LAMB4: variants seen among roughly 807,000 people sequenced by gnomAD.
The protein encoded by LAMB4 is laminin subunit beta 4.
Under a neutral mutation model 199.2 loss-of-function variants are expected in LAMB4, and 196 were observed. The observed-to-expected ratio is 0.98, with a 90% CI of 0.88 to 1.11. The LOEUF (loss-of-function observed/expected upper bound fraction) is 1.11. Among genes scored for constraint, LAMB4 ranks in the 50% least tolerant of loss-of-function variants. The pLI, the probability that LAMB4 is intolerant of heterozygous loss-of-function variation, is 0.00. For missense variants in LAMB4, 2,080 were observed against 2,171.2 expected (o/e 0.96, Z 0.83); for synonymous variants, 744 against 770.6 (o/e 0.97, Z 0.57).
intron 28 of LAMB4, among the ~76,000 whole-genome samples, chr7:108,045,394 A>C (rs1260556475): frequency 6.6e-6 from 1 of 152,208 alleles, no homozygotes; most frequent in Non-Finnish European, 1.5e-5. Context: ...ATTCTCTCAC[A>C]ATCTCTTCTG....
At chr7:108,121,091 G>A (rs1367670998) in intron 2 of LAMB4, among the ~76,000 whole-genome samples, 1 of 152,108 alleles carries the variant, frequency 6.6e-6, no homozygotes, top group Non-Finnish European at 1.5e-5. Context: ...CATTAGCAAC[G>A]GGTTGGAATT....
At chr7:108,046,698 G>A (rs2035638397) in intron 28 of LAMB4, among the ~76,000 whole-genome samples, 1 of 151,970 alleles carries the variant, frequency 6.6e-6, no homozygotes, top group Non-Finnish European at 1.5e-5. Flanking sequence ...GTACTTAAAT[G>A]TTAAAACAAC....
chr7:108,057,793 T>C lies in LAMB4; in HGVS notation c.3379+39A>G, dbSNP rs1167802584. 3.0e-6 allele frequency: 4 copies of C among 1,332,488 alleles called. No individual in the cohort carries two copies. The Admixed American group carries it at 5.0e-5, about 17-fold the overall frequency. The allele number at this position is 1,332,488 out of a possible 1,614,324, so 82.5% of individuals were successfully genotyped here. A position where few individuals can be genotyped will look rare whatever the true frequency, so the allele number is the denominator to read the frequency against. ...TAGCATGTCCATGGTAGGGCCAGGC[T>C]GACTGTACGCATGAGTTTTTAGAAA... is the stretch of plus-strand genomic sequence containing the variant. On this transcript the variant is annotated intron_variant, in intron 24 of 33. Coordinates refer to ENST00000388781, the MANE Select transcript of LAMB4 (RefSeq NM_007356.3).
intron 15 of LAMB4, among the ~76,000 whole-genome samples, chr7:108,079,030 T>A (rs947155106): frequency 6.6e-6 from 1 of 152,198 alleles, no homozygotes; most frequent in African/African-American, 2.4e-5. Flanking sequence ...AGATGTTCAG[T>A]GGGCTTCAGA....
the LAMB4 span, among the ~76,000 whole-genome samples, chr7:108,012,980 GAC>G: frequency 6.6e-6 from 1 of 152,124 alleles, no homozygotes; most frequent in Non-Finnish European, 1.5e-5. Flanking sequence ...ACAATATTTG[GAC>G]ACATGCTTAT....
Position 108,034,198 on chromosome 7 carries a change from AGAC to A in LAMB4, c.4818+7_4818+9del, listed in dbSNP as rs765853261. 2 of 1,613,858 alleles carry A rather than the reference AGAC, an allele frequency of 1.2e-6. No homozygotes were observed. The highest frequency in any genetic ancestry group is 4.5e-5 in the East Asian group (2 of 44,848). ...ACCTATTTCAGGTTAGTTTCAAAGA[AGAC>A]AAATACCTGCAGCACATTCTTTTTT... On this transcript the variant is annotated splice_region_variant and intron_variant, in intron 31 of 33. Transcript: ENST00000388781.
At chr7:108,044,555 A>G (rs938659973) in intron 28 of LAMB4, among the ~76,000 whole-genome samples, 1 of 152,240 alleles carries the variant, frequency 6.6e-6, no homozygotes, top group African/African-American at 2.4e-5. Context: ...GAGAGAGAGA[A>G]AAAACCCAGA....
chr7:108,113,570 C>T (rs1441282063), intron 3 of LAMB4, among the ~76,000 whole-genome samples: 2 of 152,096 alleles, frequency 1.3e-5, no homozygotes, highest in Non-Finnish European at 2.9e-5. Context: ...TCCCAGTGAC[C>T]AGTAGAAGCT....
Position 108,116,035 on chromosome 7 carries a change from G to T in LAMB4, c.161C>A (p.Ala54Asp). ...GTAACTGAGGATGCAGTATTTCTGG[G>T]CTCTGCTCAGCCCACAGGTAGAAGA... ...MASSTCGLSR[A>D]QKYCILSYLE... The change falls in exon 3 of 34, where the codon GCC becomes GAC. Residue 54 changes from alanine (A) to aspartate (D), a missense_variant. By Grantham distance (126) the Ala-to-Asp change is moderately radical (BLOSUM62 -2). Coordinates refer to ENST00000388781, the MANE Select transcript of LAMB4 (RefSeq NM_007356.3). 1 of 1,613,810 alleles carries T rather than the reference G, an allele frequency of 6.2e-7. No homozygotes were observed. Among genetic ancestry groups the T allele is most frequent in the Non-Finnish European group, 8.5e-7 (1 of 1,179,792 alleles).
At chr7:108,113,487 G>A (rs1476033046) in intron 3 of LAMB4, among the ~76,000 whole-genome samples, 1 of 152,154 alleles carries the variant, frequency 6.6e-6, no homozygotes, top group African/African-American at 2.4e-5. Context: ...CCTTATTGTT[G>A]AAGAAAGCCA....
intron 27 of LAMB4, 136 bp from the exon 28 acceptor site, chr7:108,048,247 G>A (rs1265959364): frequency 3.0e-6 from 2 of 662,674 alleles, no homozygotes; most frequent in Non-Finnish European, 4.9e-6. Flanking sequence ...TCACTGCAAC[G>A]TTCTCCTCCT....
At chr7:108,021,405 T>C (rs2034689727), downstream of LAMB4, among the ~76,000 whole-genome samples, 1 of 152,082 alleles carries the variant, frequency 6.6e-6, no homozygotes, top group South Asian at 2.1e-4. Flanking sequence ...AGCACTTATT[T>C]TTACTTTAGA....
chr7:108,067,897 G>T, intron 19 of LAMB4, 119 bp downstream of exon 19: 1 of 1,227,922 alleles, frequency 8.1e-7, no homozygotes, highest in Non-Finnish European at 1.2e-6. Flanking sequence ...TAGATAGTCT[G>T]AATAATGTAG....
downstream of LAMB4, among the ~76,000 whole-genome samples, chr7:108,021,540 T>A (rs959020327): frequency 6.6e-6 from 1 of 152,052 alleles, no homozygotes; most frequent in African/African-American, 2.4e-5. Flanking sequence ...AGAAACTCTG[T>A]CTCTACTAAA....
chr7:108,122,548 A>G (rs771203098), intron 2 of LAMB4, among the ~76,000 whole-genome samples: 2 of 152,278 alleles, frequency 1.3e-5, no homozygotes, highest in African/African-American at 4.8e-5. Flanking sequence ...GAAATTCAGC[A>G]TAAATCTTTG....
In LAMB4 at chr7:108,107,657, C is replaced by G; in HGVS notation, c.565G>C (p.Asp189His). The G allele has an allele frequency of 6.2e-7, 1 of 1,610,516 alleles. No homozygotes were observed. Among genetic ancestry groups the G allele is most frequent in the African/African-American group, 1.3e-5 (1 of 74,832 alleles). Reference sequence around the variant, plus strand: ...TCTCCACCTGTTGAGGGTTCAATATCCGAGTATTTGGAGTCACAAACAATG... The same window carrying G: ...TCTCCACCTGTTGAGGGTTCAATATGCGAGTATTTGGAGTCACAAACAATG... ...GDIVCDSKYS[D>H]IEPSTGGEVV... The change falls in exon 6 of 34, where the codon GAT (aspartate) becomes CAT (histidine). Residue 189 changes from aspartate (D) to histidine (H), a missense_variant. Transcript: ENST00000388781.
intron 12 of LAMB4, 26 bp from the exon 13 acceptor site, chr7:108,092,442 T>G: frequency 2.8e-5 from 43 of 1,509,974 alleles, no homozygotes; most frequent in East Asian, 4.5e-5. Context: ...GCTCAGCTGA[T>G]TCCAGCTATG....
chr7:108,052,428 T>G (rs185874548), intron 25 of LAMB4, among the ~76,000 whole-genome samples, 171 bp from the exon 26 acceptor site: 1 of 152,196 alleles, frequency 6.6e-6, no homozygotes, highest in Admixed American at 6.5e-5. Context: ...TCTCATCTCT[T>G]TCATCTTAAT....
intron 8 of LAMB4, 57 bp downstream of exon 8, chr7:108,105,760 C>T (rs1157318358): frequency 2.1e-6 from 3 of 1,432,356 alleles, no homozygotes; most frequent in Non-Finnish European, 3.0e-6. Flanking sequence ...ATATATAGCA[C>T]CAGGACAGTG....
Sources: allele counts gnomAD v4.1 joint callset (sites outside exome capture counted in the v4.1 genomes callset), GRCh38; gene constraint gnomAD v4.1.1; transcripts MANE v1.5; gene names NCBI Gene and HGNC (gene_info 2026-07-23, HGNC 2026-07-21).